The following TRIM9 variants were observed in gnomAD, a reference collection of about 807,000 sequenced individuals.
TRIM9 encodes the protein tripartite motif containing 9.
TRIM9 carries 26 observed loss-of-function variants against 78.3 expected under a neutral mutation model. That is an observed-to-expected ratio of 0.33 (90% CI 0.24 to 0.46). TRIM9 has a LOEUF of 0.46. Ranked by LOEUF, TRIM9 falls within the 20% of genes least tolerant of loss-of-function variation. The pLI, the probability that TRIM9 is intolerant of heterozygous loss-of-function variation, is 1.00. For synonymous variants in TRIM9, 398 were observed against 416.5 expected (o/e 0.96, Z 0.54); for missense variants, 787 against 1,036.4 (o/e 0.76, Z 3.30).
chr14:51,077,991 A>T (rs1161776177), intron 1 of TRIM9, among the ~76,000 whole-genome samples: 1 of 152,192 alleles, frequency 6.6e-6, no homozygotes, highest in East Asian at 1.9e-4. Context: ...TGAACGACCC[A>T]ATTGAGCAAC....
chr14:51,091,003 T>C (rs1400457520), intron 1 of TRIM9: 1 of 152,194 alleles, frequency 6.6e-6, no homozygotes, highest in Admixed American at 6.5e-5. Context: ...CTATTGCCCA[T>C]TTTAAAGTAT....
intron 12 of TRIM9, 89 bp downstream of exon 12, chr14:50,979,298 C>T (rs1456832560): frequency 6.2e-7 from 1 of 1,606,770 alleles, no homozygotes; most frequent in Non-Finnish European, 8.5e-7. Context: ...CTGTCAGCTT[C>T]CCTCTCTTCG....
chr14:51,045,057 G>GAA (rs74336842), intron 1 of TRIM9, among the ~76,000 whole-genome samples: 37 of 151,314 alleles, frequency 2.4e-4, no homozygotes, highest in Middle Eastern at 3.4e-3. Flanking sequence ...TGAAAATATG[G>GAA]AAAAAAAAAT....
chr14:51,034,352 A>G (rs2058972996), intron 1 of TRIM9, among the ~76,000 whole-genome samples: 1 of 152,208 alleles, frequency 6.6e-6, no homozygotes. Context: ...GAAGTTTTTG[A>G]AAAAGGGTCC....
At chr14:51,042,840 C>A (rs2059672442) in intron 1 of TRIM9, among the ~76,000 whole-genome samples, 1 of 152,180 alleles carries the variant, frequency 6.6e-6, no homozygotes, top group South Asian at 2.1e-4. Flanking sequence ...CCTCTTATTC[C>A]AGATCCATTC....
intron 1 of TRIM9, among the ~76,000 whole-genome samples, chr14:51,050,321 G>A (rs1391997670): frequency 2.6e-5 from 4 of 152,190 alleles, no homozygotes; most frequent in East Asian, 1.9e-4. Flanking sequence ...TACTGTTCTC[G>A]TGGTAGTGAG....
At chr14:51,088,228 T>C (rs575223754) in intron 1 of TRIM9, among the ~76,000 whole-genome samples, 1 of 152,360 alleles carries the variant, frequency 6.6e-6, no homozygotes, top group South Asian at 2.1e-4. Flanking sequence ...ACTTATTCAC[T>C]AATAACTACC....
intron 7 of TRIM9, among the ~76,000 whole-genome samples, chr14:50,993,704 A>T (rs1276639648): frequency 6.6e-6 from 1 of 152,140 alleles, no homozygotes; most frequent in Non-Finnish European, 1.5e-5. Flanking sequence ...TCATTTTGAC[A>T]AGGTGTTTTC....
rs563512563 is a variant in TRIM9, at chr14:50,991,869, C to T, written c.1604-5725G>A. 4.6e-5 allele frequency among the ~76,000 whole-genome samples: 7 copies of T among 152,264 alleles called. No homozygotes were observed. The East Asian group carries it at 7.7e-4, about 17-fold the overall frequency. ...CAGCTGTGGAGGGATACAATAGAGA[C>T]TCAGGTAGGATCAATTCCTGGAGGA... is the stretch of plus-strand genomic sequence containing the variant. On this transcript the variant is annotated intron_variant, in intron 7 of 12. Transcript: ENST00000684578.
chr14:51,073,055 T>C (rs1286182915), intron 1 of TRIM9, among the ~76,000 whole-genome samples: 1 of 152,138 alleles, frequency 6.6e-6, no homozygotes, highest in African/African-American at 2.4e-5. Context: ...ACATCAAAGA[T>C]GATATTCAAA....
chr14:51,089,117 C>T (rs1361810121), intron 1 of TRIM9: 2 of 152,090 alleles, frequency 1.3e-5, no homozygotes, highest in Non-Finnish European at 2.9e-5. Context: ...TGAGAGTGAA[C>T]TTAGTTTCTA....
chr14:51,045,757 TAACA>T, intron 1 of TRIM9, among the ~76,000 whole-genome samples: 1 of 152,318 alleles, frequency 6.6e-6, no homozygotes, highest in East Asian at 1.9e-4. Flanking sequence ...AGCTTGATTA[TAACA>T]AATAGGTCCA....
chr14:51,008,273 T>A (rs1033827604), intron 5 of TRIM9, among the ~76,000 whole-genome samples: 1 of 152,224 alleles, frequency 6.6e-6, no homozygotes, highest in East Asian at 1.9e-4. Flanking sequence ...ACACACACAC[T>A]GTTAAGTGTC....
rs1287210740 is a variant in TRIM9 at position 50,986,075 on chromosome 14, C to G, written c.1673G>C (p.Ser558Thr). 12 of 1,549,446 alleles carry G rather than the reference C, an allele frequency of 7.7e-6. No individual in the cohort carries two copies. In the South Asian group the frequency reaches 1.4e-4, roughly 18 times the overall value. The stretch of plus-strand genomic sequence containing the variant: ...TAGATTAAGGGTGGAGGAGAAAGGA[C>G]TCATTCTACGGAGCGGCAATCTTTC... ...PSERLPLRRM[S>T]PFSSTLNLQP... is the part of the protein sequence containing the mutation. Residue 558 changes from serine (S) to threonine (T), a missense_variant, in exon 8 of 13, where the codon AGT becomes ACT. Transcript: ENST00000684578.
At chr14:51,054,989 C>A (rs2060782268) in intron 1 of TRIM9, among the ~76,000 whole-genome samples, 1 of 151,024 alleles carries the variant, frequency 6.6e-6, no homozygotes, top group South Asian at 2.1e-4. Flanking sequence ...GCCACCAGGC[C>A]CAGCTAATTT....
intron 1 of TRIM9, among the ~76,000 whole-genome samples, chr14:51,077,772 C>G (rs775285285): frequency 6.6e-6 from 1 of 152,202 alleles, no homozygotes; most frequent in African/African-American, 2.4e-5. Context: ...AATCACATCT[C>G]ATAGCATAGT....
At chr14:51,003,938 G>T (rs1333472851) in intron 5 of TRIM9, among the ~76,000 whole-genome samples, 1 of 152,114 alleles carries the variant, frequency 6.6e-6, no homozygotes, top group Non-Finnish European at 1.5e-5. Context: ...ATTTTATAGT[G>T]GGTGTTATGT....
intron 7 of TRIM9, among the ~76,000 whole-genome samples, chr14:50,994,784 T>A (rs1216641469): frequency 6.6e-6 from 1 of 152,238 alleles, no homozygotes; most frequent in Non-Finnish European, 1.5e-5. Context: ...GGCTATTAGA[T>A]GAATTAATTT....
In TRIM9 at chr14:51,044,395, A is replaced by G. The variant is rs541363103; in HGVS notation, c.823-19035T>C. On this transcript the variant is annotated intron_variant, in intron 1 of 12. Transcript: ENST00000684578. ...GTACCTGGCTAAAAATAATTTCTGA[A>G]CCTCCTCTGCAGCTAGGATTAGCCA... Among the ~76,000 whole-genome samples the G allele has an allele frequency of 7.2e-5, 11 of 152,110 alleles. No individual in the cohort carries two copies. In the South Asian group the frequency reaches 2.3e-3, roughly 32 times the overall value.
Sources: allele counts gnomAD v4.1 joint callset (sites outside exome capture counted in the v4.1 genomes callset), GRCh38; gene constraint gnomAD v4.1.1; transcripts MANE v1.5; gene names NCBI Gene and HGNC (gene_info 2026-07-23, HGNC 2026-07-21).